PUS10: variants seen among roughly 807,000 people sequenced by gnomAD.
The protein encoded by PUS10 is pseudouridine synthase 10.
PUS10 carries 59 observed loss-of-function variants against 75.0 expected under a neutral mutation model. That is an observed-to-expected ratio of 0.79 (90% confidence interval 0.64 to 0.98). The LOEUF (loss-of-function observed/expected upper bound fraction) is 0.98. Among genes scored for constraint, PUS10 ranks in the 50% least tolerant of loss-of-function variants. The pLI, the probability that PUS10 is intolerant of heterozygous loss-of-function variation, is 0.00. For synonymous variants in PUS10, 219 were observed against 211.6 expected, an observed-to-expected ratio of 1.03 and a Z score of -0.30; for missense variants, 650 against 614.4, an observed-to-expected ratio of 1.06 and a Z score of -0.61.
intron 4 of PUS10, among the ~76,000 whole-genome samples, chr2:60,996,889 T>C (rs1053490237): frequency 6.6e-6 from 1 of 152,332 alleles, no homozygotes; most frequent in Admixed American, 6.5e-5. Context: ...GGACTGTCAA[T>C]CAGACATTCC....
intron 4 of PUS10, among the ~76,000 whole-genome samples, chr2:60,974,847 T>C (rs1254236567): frequency 6.6e-6 from 1 of 152,190 alleles, no homozygotes; most frequent in African/African-American, 2.4e-5. Context: ...GGCTTGCCCT[T>C]GGCAGGCATC....
chr2:60,955,266 G>A (rs925655806), intron 11 of PUS10, among the ~76,000 whole-genome samples, 192 bp from the exon 12 acceptor site: 13 of 152,010 alleles, frequency 8.6e-5, no homozygotes, highest in African/African-American at 3.1e-4. Flanking sequence ...ACCATTTATT[G>A]AGAACTTATT....
intron 8 of PUS10, among the ~76,000 whole-genome samples, chr2:60,963,096 C>CTT (rs1676129103): frequency 6.6e-6 from 1 of 152,158 alleles, no homozygotes; most frequent in Admixed American, 6.5e-5. Flanking sequence ...ACCTCTGTAA[C>CTT]CCTTCTCTTC....
chr2:60,942,740 C>G (rs1392443716), intron 17 of PUS10, among the ~76,000 whole-genome samples: 2 of 151,976 alleles, frequency 1.3e-5, no homozygotes, highest in East Asian at 3.9e-4. Context: ...TGTGGTGGCT[C>G]ACACCTTTAA....
intron 4 of PUS10, among the ~76,000 whole-genome samples, chr2:60,977,245 A>C (rs1677089326): frequency 6.6e-6 from 1 of 152,146 alleles, no homozygotes; most frequent in South Asian, 2.1e-4. Context: ...AGCAGAGGTG[A>C]TGGAGAAAGG....
In PUS10 at chr2:60,941,297, T is replaced by C. The variant is rs1480088905; in HGVS notation, c.*1098A>G. 1.3e-5 allele frequency: 2 copies of C among 152,260 alleles called. No individual in the cohort carries two copies. The highest frequency in any genetic ancestry group is 3.7e-4 in the East Asian group (2 of 5,340). The allele number at this position is 152,260 out of a possible 1,614,324, so 9.4% of individuals were successfully genotyped here. On this transcript the variant is annotated 3_prime_UTR_variant, in exon 18 of 18. Coordinates refer to ENST00000316752, the MANE Select transcript of PUS10 (RefSeq NM_144709.4). The stretch of plus-strand genomic sequence containing the variant: ...TTGGGCTATTTTTTGGTAAGCTCTT[T>C]GATTTGGTAACTACATTCCAAAAGT...
chr2:60,991,312 A>G (rs1678061136), intron 4 of PUS10, among the ~76,000 whole-genome samples: 1 of 152,220 alleles, frequency 6.6e-6, no homozygotes, highest in Admixed American at 6.5e-5. Context: ...ATATTGACTG[A>G]TTGTATAGAA....
chr2:61,005,942 T>C (rs1268434203), intron 4 of PUS10, among the ~76,000 whole-genome samples: 1 of 152,226 alleles, frequency 6.6e-6, no homozygotes, highest in Non-Finnish European at 1.5e-5. Flanking sequence ...GAACCCATGG[T>C]TGTAATTTGA....
rs183663101 is a variant in PUS10 at position 60,959,590 on chromosome 2, T to C, written c.1000+802A>G. 6.6e-3 allele frequency among the ~76,000 whole-genome samples: 1,009 copies of C among 152,170 alleles called. 9 individuals are homozygous for C. Among genetic ancestry groups the C allele is most frequent in the African/African-American group, 0.023 (955 of 41,536 alleles). On this transcript the variant is annotated intron_variant, in intron 11 of 17. Coordinates refer to ENST00000316752, the MANE Select transcript of PUS10 (RefSeq NM_144709.4). ...TTTTAGTAGACACAGGGTCTCACCA[T>C]GTTGCCCAGGCTGGTCTTGAATTCC...
intron 4 of PUS10, among the ~76,000 whole-genome samples, chr2:61,002,242 T>A (rs554337203): frequency 6.6e-6 from 1 of 152,326 alleles, no homozygotes; most frequent in South Asian, 2.1e-4. Flanking sequence ...GAACCACTAC[T>A]TTAGGAAAAG....
intron 4 of PUS10, among the ~76,000 whole-genome samples, chr2:60,985,938 C>CAA (rs59173202): frequency 5.7e-4 from 47 of 82,116 alleles, no homozygotes; most frequent in Non-Finnish European, 7.6e-4. Flanking sequence ...CAGACTTCAC[C>CAA]AAAAAAAAAA....
rs1366437681 is a variant in PUS10, at chr2:60,942,109, A to C, written c.*286T>G. 1 of 330,880 alleles carries C rather than the reference A, an allele frequency of 3.0e-6. No individual in the cohort carries two copies. The highest frequency in any genetic ancestry group is 2.1e-5 in the African/African-American group (1 of 46,980). The allele number at this position is 330,880 out of a possible 1,614,324, so 20.5% of individuals were successfully genotyped here. ...ATGTGTCCTGTTTGTGCACCTCTCT[A>C]AATGAAAGAATTAAGGAGAATTATT... On this transcript the variant is annotated 3_prime_UTR_variant, in exon 18 of 18. Coordinates refer to ENST00000316752, the MANE Select transcript of PUS10 (RefSeq NM_144709.4).
chr2:60,946,766 C>T lies in PUS10; in HGVS notation c.1451+1277G>A, dbSNP rs1311401500. ...TGGGGAAGGACAGGCAGACTAGTTA[C>T]AGCAATATAGTAAGAATGGTATTTG... On this transcript the variant is annotated intron_variant, in intron 16 of 17. Coordinates refer to ENST00000316752, the MANE Select transcript of PUS10 (RefSeq NM_144709.4). Among the ~76,000 whole-genome samples the T allele has an allele frequency of 3.3e-5, 5 of 151,720 alleles. No individual in the cohort carries two copies. In the South Asian group the frequency reaches 1.0e-3, roughly 32 times the overall value.
chr2:61,002,686 C>G (rs1434324963), intron 4 of PUS10, among the ~76,000 whole-genome samples: 1 of 152,212 alleles, frequency 6.6e-6, no homozygotes, highest in Non-Finnish European at 1.5e-5. Context: ...CTTAACAAAT[C>G]CGAGCCTTAT....
rs551551347 is a variant in PUS10, at chr2:60,965,401, C to CATT, written c.677+21_677+22insAAT. 1.4e-4 allele frequency: 224 copies of CATT among 1,586,704 alleles called. 1 individual carries two copies. The African/African-American group carries it at 2.5e-3, about 18-fold the overall frequency. ...AGCATTAACAATTTTACACCATTGA[C>CATT]GTTGTTTACATGGCAACTTACAGGA... On this transcript the variant is annotated intron_variant, in intron 7 of 17. Transcript: ENST00000316752.
intron 1 of PUS10, among the ~76,000 whole-genome samples, chr2:61,013,820 T>C (rs1008003081): frequency 2.7e-5 from 4 of 150,672 alleles, no homozygotes; most frequent in Non-Finnish European, 5.9e-5. Context: ...AGGTCAGGAG[T>C]TCAAGACCAG....
At chr2:60,984,910 A>G (rs1677622528) in intron 4 of PUS10, among the ~76,000 whole-genome samples, 1 of 152,236 alleles carries the variant, frequency 6.6e-6, no homozygotes, top group South Asian at 2.1e-4. Flanking sequence ...AGAGATTACC[A>G]AAATGTTACT....
rs1464400933 is a variant in PUS10 at position 60,965,068 on chromosome 2, T to C, written c.713A>G (p.Lys238Arg). 6.2e-7 allele frequency: 1 copy of C among 1,613,882 alleles called. No homozygotes were observed. Among genetic ancestry groups the C allele is most frequent in the East Asian group, 2.2e-5 (1 of 44,870 alleles). The change falls in exon 8 of 18, where the codon AAA becomes AGA. Residue 238 changes from lysine (K) to arginine (R), a missense_variant. Physicochemically the swap from Lys to Arg is conservative, Grantham distance 26. Transcript: ENST00000316752. ...AICPDCFKPA[K>R]NKQSVFTRMA... ...GGAACCTTTCCTTACCTGTTTGTTT[T>C]TGGCTGGCTTAAAACAATCTGGGCA...
chr2:60,983,576 C>T (rs879715214), intron 4 of PUS10, among the ~76,000 whole-genome samples: 8 of 151,876 alleles, frequency 5.3e-5, no homozygotes, highest in Non-Finnish European at 7.4e-5. Flanking sequence ...ACTCAGAAAG[C>T]TGAGGCAGGA....
Sources: gnomAD v4.1 joint callset for allele counts (sites outside exome capture counted in the v4.1 genomes callset) on GRCh38, gnomAD v4.1.1 for gene constraint, MANE v1.5 for transcripts, NCBI Gene and HGNC (gene_info 2026-07-23, HGNC 2026-07-21) for gene names.